The following SCNN1A variants were observed in gnomAD, a reference collection of about 807,000 sequenced individuals.
SCNN1A encodes epithelial sodium channel subunit alpha.
A neutral mutation model predicts 68.6 loss-of-function variants in SCNN1A; 65 were observed. That is an observed-to-expected ratio of 0.95 (90% CI 0.78 to 1.16). The LOEUF (loss-of-function observed/expected upper bound fraction) is 1.16. Among genes scored for constraint, SCNN1A ranks in the 50% most tolerant of loss-of-function variants. SCNN1A has a pLI of 0.00. For synonymous variants in SCNN1A, 357 were observed against 353.3 expected (o/e 1.01, Z -0.12); for missense variants, 880 against 865.9 (o/e 1.02, Z -0.20).
rs752866339 is a variant in SCNN1A, at chr12:6,356,204, G to A, written c.876-324C>T. The stretch of plus-strand genomic sequence containing the variant: ...CAGGCTCCTCTCACCAGGCCATCTG[G>A]GTTCACCGGCATTGACTTCCGTGCT... On this transcript the variant is annotated intron_variant, in intron 4 of 12. Coordinates refer to ENST00000228916, the MANE Select transcript of SCNN1A (RefSeq NM_001038.6). The A allele has an allele frequency of 4.2e-4, 169 of 405,026 alleles. 1 individual carries two copies. The highest frequency in any genetic ancestry group is 5.6e-4 in the Non-Finnish European group (122 of 216,314). 25.1% of individuals were successfully genotyped at this position (405,026 alleles called of 1,614,324 possible). A position where few individuals can be genotyped will look rare whatever the true frequency, so the allele number is the denominator to read the frequency against.
chr12:6,354,710 T>G lies in SCNN1A; in HGVS notation c.1242+40A>C, dbSNP rs202244828. 9 of 1,557,824 alleles carry G rather than the reference T, an allele frequency of 5.8e-6. No individual in the cohort carries two copies. In the East Asian group the frequency reaches 2.0e-4, roughly 35 times the overall value. ...AGCTTTGCAGGGCCAGCCAGGGCAG[T>G]GGCTGGGAGTGGCTGCCACGGAATC... On this transcript the variant is annotated intron_variant, in intron 7 of 12. Transcript: ENST00000228916.
At chr12:6,354,210 G>T (rs145683049) in intron 8 of SCNN1A, among the ~76,000 whole-genome samples, 22 of 152,070 alleles carry the variant, frequency 1.4e-4, no homozygotes, top group Non-Finnish European at 2.5e-4. Flanking sequence ...CAGCCTGGGT[G>T]ACAGAGCGAG....
At chr12:6,349,803 T>A (rs367893204) in intron 8 of SCNN1A, 1 of 208,772 alleles carries the variant, frequency 4.8e-6, no homozygotes, top group African/African-American at 2.3e-5. Context: ...CTTGGCTCAC[T>A]GCAAGCTCCG....
In SCNN1A at chr12:6,351,072, T is replaced by C. The variant is rs1339451457; in HGVS notation, c.1361-1667A>G. Among the ~76,000 whole-genome samples the C allele has an allele frequency of 2.6e-5, 4 of 152,130 alleles. No individual in the cohort carries two copies. Among genetic ancestry groups the C allele is most frequent in the Non-Finnish European group, 5.9e-5 (4 of 68,030 alleles). On this transcript the variant is annotated intron_variant, in intron 8 of 12. Transcript: ENST00000228916. This position sits in a 1 kb window ranked among gnomAD's most constrained non-coding sequence, Gnocchi z 4.2. ...TACCCAAGAAAATGGAAAACATGCG[T>C]CCACACAAAAACTTGTACACAAATG...
intron 2 of SCNN1A, among the ~76,000 whole-genome samples, chr12:6,369,317 G>GCACCTCCCTCCTGCCACCCTACT (rs1948740177): frequency 1.1e-4 from 12 of 113,300 alleles, no homozygotes; most frequent in South Asian, 6.5e-4. Context: ...GCCACCCTAC[G>GCACCTCCCTCCTGCCACCCTACT]CACCTCCCTC....
chr12:6,354,707 CAGTGGCTGGG>C (rs1301263076), intron 7 of SCNN1A, 33 bp downstream of exon 7: 1 of 1,551,736 alleles, frequency 6.4e-7, no homozygotes, highest in East Asian at 2.2e-5. Flanking sequence ...CCAGCCAGGG[CAGTGGCTGGG>C]AGTGGCTGCC....
chr12:6,357,387 A>T (rs1948514561), intron 4 of SCNN1A, among the ~76,000 whole-genome samples: 1 of 152,136 alleles, frequency 6.6e-6, no homozygotes, highest in Non-Finnish European at 1.5e-5. Context: ...CAGCCTGGCC[A>T]ACATGGTGAA....
At chr12:6,376,122 C>T (rs113654634), upstream of SCNN1A, 1 of 987,704 alleles carries the variant, frequency 1.0e-6, no homozygotes, top group East Asian at 1.1e-4. Context: ...CAGCCTCACC[C>T]TCAGGCCCTG....
At chr12:6,366,184 C>T (rs1364302305) in intron 2 of SCNN1A, among the ~76,000 whole-genome samples, 2 of 152,052 alleles carry the variant, frequency 1.3e-5, no homozygotes, top group Non-Finnish European at 2.9e-5. Flanking sequence ...AAGATTCTGA[C>T]CCTGTACACA....
intron 2 of SCNN1A, among the ~76,000 whole-genome samples, chr12:6,368,213 G>A (rs1046691979): frequency 1.3e-5 from 2 of 152,208 alleles, no homozygotes; most frequent in Admixed American, 6.5e-5. Context: ...AGTGCCCCCC[G>A]CCCCCAACCA....
chr12:6,361,924 C>T, intron 4 of SCNN1A, 127 bp downstream of exon 4: 2 of 1,048,548 alleles, frequency 1.9e-6, no homozygotes, highest in Middle Eastern at 3.0e-4. Flanking sequence ...GTGCTTCCCC[C>T]TGGCCTGCTG....
chr12:6,362,232 T>A lies in SCNN1A; in HGVS notation c.694A>T (p.Asn232Tyr). Residue 232 changes from asparagine to tyrosine, a missense_variant, in exon 4 of 13, where the codon AAC becomes TAC. Physicochemically the swap from Asn to Tyr is moderately radical, Grantham distance 143. Coordinates refer to ENST00000228916, the MANE Select transcript of SCNN1A (RefSeq NM_001038.6). ...WKIGFQLCNQ[N>Y]KSDCFYQTYS... ...GTCTGGTAGAAGCAGTCCGATTTGTTCTGGTTGCACTGGACACAGAGACTA... is the reference window on the plus strand; with the variant it reads ...GTCTGGTAGAAGCAGTCCGATTTGTACTGGTTGCACTGGACACAGAGACTA... The A allele has an allele frequency of 1.9e-6, 3 of 1,614,070 alleles. No individual in the cohort carries two copies. The highest frequency in any genetic ancestry group is 2.2e-5 in the South Asian group (2 of 91,084).
In SCNN1A at chr12:6,374,673, C is replaced by T. The variant is rs571296830; in HGVS notation, c.111G>A (p.Ala37=). 7.4e-6 allele frequency: 12 copies of T among 1,613,808 alleles called. No individual in the cohort carries two copies. Among genetic ancestry groups the T allele is most frequent in the Middle Eastern group, 1.7e-4 (1 of 6,060 alleles). The change falls in exon 2 of 13, where the codon GCG becomes GCA. Residue 37 remains alanine (A), a synonymous_variant. Transcript: ENST00000228916. This position sits in a 1 kb window ranked among gnomAD's most constrained non-coding sequence, Gnocchi z 6.2. The part of the protein sequence containing the change: ...EEQGLGPEPA[A]PQQPTAEEEA... Reference sequence around the variant, plus strand: ...CCTCCTCCGCCGTGGGCTGCTGGGGCGCCGCAGGTTCGGGGCCCAGCCCCT... The same window carrying T: ...CCTCCTCCGCCGTGGGCTGCTGGGGTGCCGCAGGTTCGGGGCCCAGCCCCT...
In SCNN1A at chr12:6,374,728, C is replaced by T; in HGVS notation, c.56G>A (p.Gly19Glu). ...CTCACGCTTGTTCCCCTTCATGAGC[C>T]CTGGAGTGGACTGTGGAGGGCTAGA... ...QDSSPPQSTPGLMKGNKREEQ... is the reference protein window; with the variant it reads ...QDSSPPQSTPELMKGNKREEQ... The change falls in exon 2 of 13, where the codon GGG becomes GAG. Residue 19 changes from glycine (G) to glutamate (E), a missense_variant. Gly to Glu is a moderately conservative substitution (Grantham distance 98). Coordinates refer to ENST00000228916, the MANE Select transcript of SCNN1A (RefSeq NM_001038.6). The surrounding 1 kb of genome is among the most constrained non-coding windows in gnomAD (Gnocchi z 6.2). 1 of 1,614,146 alleles carries T rather than the reference C, an allele frequency of 6.2e-7. No individual in the cohort carries two copies. The highest frequency in any genetic ancestry group is 8.5e-7 in the Non-Finnish European group (1 of 1,180,022).
chr12:6,375,367 T>C, intron 1 of SCNN1A, 138 bp downstream of exon 1: 2 of 1,464,064 alleles, frequency 1.4e-6, no homozygotes, highest in Non-Finnish European at 1.8e-6. Flanking sequence ...AGCTGTGTCC[T>C]GATTCTGTCT....
At position 6,362,196 on chromosome 12, in the gene SCNN1A, CT is replaced by C. The variant is rs1592074026; in HGVS notation, c.729del (p.Val245TrpfsTer4). The C allele has an allele frequency of 1.2e-6, 2 of 1,614,232 alleles. No homozygotes were observed. The highest frequency in any genetic ancestry group is 1.3e-5 in the African/African-American group (1 of 75,054). Reference sequence around the variant, plus strand: ...TACCACTCCCTCACCGCATCCACCCCTGATGAGTATGTCTGGTAGAAGCAGT... The same window carrying C: ...TACCACTCCCTCACCGCATCCACCCCGATGAGTATGTCTGGTAGAAGCAGT... ...KSDCFYQTYSSGVDAVREWYR... is the reference protein window; with the variant it reads ...KSDCFYQTYSXGVDAVREWYR... On this transcript the variant is annotated frameshift_variant, in exon 4 of 13. Transcript: ENST00000228916. LOFTEE classifies it high-confidence loss of function.
Position 6,351,519 on chromosome 12 carries a change from C to CCAGTCCCA in SCNN1A, c.1361-2115_1361-2114insTGGGACTG, listed in dbSNP as rs1948386287. The stretch of plus-strand genomic sequence containing the variant: ...GCGCCTGTATGTAGTCCCAGGTACT[C>CCAGTCCCA]GGGAAGCTGAGACAGGAGAATTGCT... On this transcript the variant is annotated intron_variant, in intron 8 of 12. Coordinates refer to ENST00000228916, the MANE Select transcript of SCNN1A (RefSeq NM_001038.6). The surrounding 1 kb of genome is among the most constrained non-coding windows in gnomAD (Gnocchi z 4.2). 6.6e-6 allele frequency among the ~76,000 whole-genome samples: 1 copy of CCAGTCCCA among 151,540 alleles called. No individual in the cohort carries two copies. The highest frequency in any genetic ancestry group is 2.1e-4 in the South Asian group (1 of 4,798).
chr12:6,370,978 C>G (rs1360165279), intron 2 of SCNN1A, among the ~76,000 whole-genome samples: 1 of 152,176 alleles, frequency 6.6e-6, no homozygotes, highest in Non-Finnish European at 1.5e-5. Context: ...GTGAAGAAGC[C>G]CTTTGTTGAC....
In SCNN1A at chr12:6,372,381, C is replaced by G. The variant is rs564216144; in HGVS notation, c.416+1987G>C. Among the ~76,000 whole-genome samples, 35 of 152,282 alleles carry G rather than the reference C, an allele frequency of 2.3e-4. No individual in the cohort carries two copies. Among genetic ancestry groups the G allele is most frequent in the African/African-American group, 8.4e-4 (35 of 41,562 alleles). On this transcript the variant is annotated intron_variant, in intron 2 of 12. Transcript: ENST00000228916. This position sits in a 1 kb window ranked among gnomAD's most constrained non-coding sequence, Gnocchi z 5.8. ...GGGTGTTGCATCTCCTCCCGCTGTG[C>G]TGGGGAGCCCTTCCCCGACTCCTCT...
Sources: allele counts gnomAD v4.1 joint callset (sites outside exome capture counted in the v4.1 genomes callset), GRCh38; gene constraint gnomAD v4.1.1; non-coding constraint Gnocchi (gnomAD v3.1); transcripts MANE v1.5; gene names NCBI Gene and HGNC (gene_info 2026-07-23, HGNC 2026-07-21).